Variants in GDA observed in about 807,000 individuals in gnomAD.
GDA encodes cytoplasmic PSD-95 interactor.
A neutral mutation model predicts 59.6 loss-of-function variants in GDA; 18 were observed. The ratio of observed to expected loss-of-function variants is 0.30; its 90% confidence interval spans 0.21 to 0.45. The LOEUF (loss-of-function observed/expected upper bound fraction) is 0.45, where lower values mean the gene tolerates loss of function less well. Among genes scored for constraint, GDA ranks in the 20% least tolerant of loss-of-function variants. The pLI, the probability that GDA is intolerant of heterozygous loss-of-function variation, is 1.00. For missense variants in GDA, 427 were observed against 552.3 expected (o/e 0.77, Z 2.27); for synonymous variants, 201 against 201.1 (o/e 1.00, Z 0.00).
At position 72,251,814 on chromosome 9, in the gene GDA, C is replaced by A. The variant is rs1437574046; in HGVS notation, c.*3472C>A. On this transcript the variant is annotated 3_prime_UTR_variant, in exon 14 of 14. Transcript: ENST00000358399. ...CTCACTGCCTTTCCTTCCCACAGAC[C>A]TGAGTGTGAAAGACTGAGAGTTGAG... The A allele has an allele frequency of 6.6e-6, 1 of 152,038 alleles. No homozygotes were observed. The highest frequency in any genetic ancestry group is 6.6e-5 in the Admixed American group (1 of 15,258). 9.4% of individuals were successfully genotyped at this position (152,038 alleles called of 1,614,324 possible). A position where few individuals can be genotyped will look rare whatever the true frequency, so the allele number is the denominator to read the frequency against.
At chr9:72,203,062 A>T (rs1395226391) in intron 3 of GDA, among the ~76,000 whole-genome samples, 4 of 152,208 alleles carry the variant, frequency 2.6e-5, no homozygotes, top group Non-Finnish European at 5.9e-5. Context: ...GCTAATCCAT[A>T]ATGCTGTTCT....
chr9:72,158,466 G>A (rs564366788), intron 1 of GDA, among the ~76,000 whole-genome samples: 7 of 151,994 alleles, frequency 4.6e-5, no homozygotes, highest in African/African-American at 1.2e-4. Flanking sequence ...GGTGGCAGGC[G>A]CCTATAGTCC....
At chr9:72,147,649 A>C, upstream of GDA, among the ~76,000 whole-genome samples, 1 of 152,100 alleles carries the variant, frequency 6.6e-6, no homozygotes. Flanking sequence ...TTTTCATTAA[A>C]ACCTAATCAT....
At chr9:72,223,928 A>G (rs190899829) in intron 7 of GDA, among the ~76,000 whole-genome samples, 404 of 152,274 alleles carry the variant, frequency 2.7e-3, no homozygotes, top group African/African-American at 9.1e-3. Context: ...ATTCTTTACC[A>G]TTTGTAAATC....
At chr9:72,149,299 A>G (rs1826841818), upstream of GDA, 1 of 506,730 alleles carries the variant, frequency 2.0e-6, no homozygotes, top group Non-Finnish European at 3.5e-6. Flanking sequence ...AAACTAACGC[A>G]AGGGTGGAGA....
chr9:72,222,709 T>C (rs1482379035), intron 6 of GDA, among the ~76,000 whole-genome samples: 1 of 152,024 alleles, frequency 6.6e-6, no homozygotes, highest in Non-Finnish European at 1.5e-5. Flanking sequence ...TTTGGTTGGT[T>C]TTTTGTTTTT....
intron 1 of GDA, among the ~76,000 whole-genome samples, chr9:72,173,218 A>G (rs986313632): frequency 3.1e-4 from 47 of 152,128 alleles, no homozygotes; most frequent in Middle Eastern, 3.2e-3. Flanking sequence ...CTAGAGCCAC[A>G]TTCCTTTTAT....
At chr9:72,242,684 T>C (rs1839756310) in intron 11 of GDA, among the ~76,000 whole-genome samples, 1 of 152,216 alleles carries the variant, frequency 6.6e-6, no homozygotes, top group Admixed American at 6.5e-5. Context: ...GTTTTTGTTT[T>C]GTTTTGTTTT....
upstream of GDA, among the ~76,000 whole-genome samples, chr9:72,146,833 T>C: frequency 6.6e-6 from 1 of 152,168 alleles, no homozygotes; most frequent in Non-Finnish European, 1.5e-5. Flanking sequence ...CCATGCTGCC[T>C]GGCAGTATAG....
chr9:72,202,894 T>TTTTTAA, intron 3 of GDA, 152 bp downstream of exon 3: 1 of 467,540 alleles, frequency 2.1e-6, no homozygotes, highest in Non-Finnish European at 3.7e-6. Context: ...TCCAGTGAGT[T>TTTTTAA]TGTGACCACC....
intron 1 of GDA, among the ~76,000 whole-genome samples, chr9:72,158,608 A>G (rs1439180962): frequency 6.6e-6 from 1 of 151,956 alleles, no homozygotes; most frequent in African/African-American, 2.4e-5. Context: ...AAAAAAAAAA[A>G]TGTGGATTAA....
intron 1 of GDA, among the ~76,000 whole-genome samples, chr9:72,183,478 G>T (rs1455033031): frequency 6.6e-6 from 1 of 152,108 alleles, no homozygotes; most frequent in East Asian, 1.9e-4. Context: ...GAAAGGAAAG[G>T]CACAAAGAAA....
chr9:72,255,754 G>A (rs72727260), downstream of GDA, among the ~76,000 whole-genome samples: 3 of 152,124 alleles, frequency 2.0e-5, no homozygotes, highest in Admixed American at 6.5e-5. Context: ...ACTCAGAAAC[G>A]TGGGGGTAAA....
At chr9:72,217,871 T>G (rs1010407081) in intron 5 of GDA, among the ~76,000 whole-genome samples, 2 of 152,126 alleles carry the variant, frequency 1.3e-5, no homozygotes, top group Non-Finnish European at 2.9e-5. Context: ...CCTTAAGGAT[T>G]TGACAAGAAA....
chr9:72,230,877 G>T (rs1838255254), intron 9 of GDA, among the ~76,000 whole-genome samples: 2 of 151,854 alleles, frequency 1.3e-5, no homozygotes, highest in Non-Finnish European at 2.9e-5. Context: ...TTTTCCTTCT[G>T]GCTCTTGCTG....
chr9:72,205,187 G>A (rs1318384699), intron 3 of GDA, among the ~76,000 whole-genome samples: 1 of 151,854 alleles, frequency 6.6e-6, no homozygotes, highest in Non-Finnish European at 1.5e-5. Context: ...GAATGAGTGT[G>A]GGCCCACAAA....
chr9:72,158,614 A>G (rs1480449017), intron 1 of GDA, among the ~76,000 whole-genome samples: 1 of 151,586 alleles, frequency 6.6e-6, no homozygotes, highest in African/African-American at 2.4e-5. Context: ...AAAAATGTGG[A>G]TTAATAGCAC....
chr9:72,202,893 T>TAC, intron 3 of GDA, 151 bp downstream of exon 3: 2 of 465,934 alleles, frequency 4.3e-6, no homozygotes, highest in South Asian at 4.6e-5. Flanking sequence ...GTCCAGTGAG[T>TAC]TTGTGACCAC....
chr9:72,123,894 T>G lies in GDA; in HGVS notation c.-100+9061T>G, dbSNP rs181740822. Among the ~76,000 whole-genome samples, 24 of 152,338 alleles carry G rather than the reference T, an allele frequency of 1.6e-4. No homozygotes were observed. In the East Asian group the frequency reaches 4.2e-3, roughly 27 times the overall value. ...ATTCATTTAATTAAATTTAATTTAG[T>G]TAAAATTGCATCAAGCAATTGTTTT... On this transcript the variant is annotated intron_variant, in intron 1 of 13. Transcript: ENST00000545168.
Sources: gnomAD v4.1 joint callset for allele counts (sites outside exome capture counted in the v4.1 genomes callset) on GRCh38, gnomAD v4.1.1 for gene constraint, MANE v1.5 for transcripts, NCBI Gene and HGNC (gene_info 2026-07-23, HGNC 2026-07-21) for gene names.